The following KRABD3 variants were observed in gnomAD, a reference collection of about 807,000 sequenced individuals.
The protein encoded by KRABD3 is KRAB domain-containing protein 3.
the KRABD3 span, among the ~76,000 whole-genome samples, chr7:149,718,287 C>T: frequency 3.3e-5 from 5 of 152,078 alleles, no homozygotes; most frequent in African/African-American, 7.2e-5. Flanking sequence ...ATGAAACAAG[C>T]GGTGAATTGT....
chr7:149,730,202 C>T, the KRABD3 span: 1 of 1,575,584 alleles, frequency 6.3e-7, no homozygotes, highest in Non-Finnish European at 8.6e-7. Flanking sequence ...TGAGGGGGAT[C>T]TTGCCTGTAA....
At chr7:149,720,506 G>T in the KRABD3 span, among the ~76,000 whole-genome samples, 1 of 152,264 alleles carries the variant, frequency 6.6e-6, no homozygotes, top group Non-Finnish European at 1.5e-5. Flanking sequence ...CATTTAGGGG[G>T]TGCCAGGAAA....
chr7:149,721,345 C>T, the KRABD3 span: 2 of 1,554,840 alleles, frequency 1.3e-6, no homozygotes, highest in Non-Finnish European at 1.7e-6. Flanking sequence ...TTAGGGGCAT[C>T]TTACCAGTTG....
At chr7:149,724,953 C>G in the KRABD3 span, 4 of 980,840 alleles carry the variant, frequency 4.1e-6, no homozygotes, top group Non-Finnish European at 5.7e-6. Context: ...AGGGAGCCGC[C>G]CCCTGGCCTT....
the KRABD3 span, chr7:149,730,555 C>T: frequency 2.3e-5 from 37 of 1,611,690 alleles, no homozygotes; most frequent in Admixed American, 2.3e-4. Context: ...GGTACTGCAG[C>T]GGCCTCGGTG....
chr7:149,719,983 G>T, the KRABD3 span: 1 of 1,534,832 alleles, frequency 6.5e-7, no homozygotes, highest in Middle Eastern at 2.2e-4. This position sits in a 1 kb window ranked among gnomAD's most constrained non-coding sequence, Gnocchi z 5.6. Flanking sequence ...CATTCCCAGG[G>T]CCACAGTTCC....
the KRABD3 span, chr7:149,733,403 C>T: frequency 1.9e-6 from 3 of 1,606,950 alleles, no homozygotes; most frequent in Non-Finnish European, 2.5e-6. Flanking sequence ...GCTGGATCGG[C>T]TCGCCACAGC....
At chr7:149,722,630 G>T in the KRABD3 span, 1 of 1,506,146 alleles carries the variant, frequency 6.6e-7, no homozygotes. Context: ...ATGCTGCTCC[G>T]CCGCCTGGGC....
At chr7:149,732,132 T>C in the KRABD3 span, among the ~76,000 whole-genome samples, 1,004 of 152,264 alleles carry the variant, frequency 6.6e-3, 2 homozygotes, top group Non-Finnish European at 0.011. The surrounding 1 kb of genome is among the most constrained non-coding windows in gnomAD (Gnocchi z 4.0). Flanking sequence ...GGTGGAGACA[T>C]GCAGGGGGCC....
the KRABD3 span, among the ~76,000 whole-genome samples, chr7:149,715,877 A>G: frequency 1.3e-5 from 2 of 152,350 alleles, no homozygotes; most frequent in East Asian, 3.9e-4. Context: ...TAAGTAGCCT[A>G]GGGACACCCT....
chr7:149,721,435 C>T, the KRABD3 span: 13 of 1,612,164 alleles, frequency 8.1e-6, no homozygotes, highest in Admixed American at 5.0e-5. Context: ...GCCTTCCAGA[C>T]GGCCCTACCA....
chr7:149,732,134 CA>C, the KRABD3 span, among the ~76,000 whole-genome samples: 7 of 152,184 alleles, frequency 4.6e-5, no homozygotes, highest in Non-Finnish European at 8.8e-5. The surrounding 1 kb of genome is among the most constrained non-coding windows in gnomAD (Gnocchi z 4.0). Flanking sequence ...TGGAGACATG[CA>C]GGGGGCCTGG....
the KRABD3 span, chr7:149,723,982 C>T: frequency 3.6e-6 from 5 of 1,380,780 alleles, no homozygotes; most frequent in Non-Finnish European, 5.0e-6. Context: ...CACAAACACT[C>T]AGGCCCCCAT....
the KRABD3 span, chr7:149,724,644 T>A: frequency 6.0e-6 from 9 of 1,511,814 alleles, no homozygotes; most frequent in African/African-American, 1.2e-4. Context: ...AATGGCCTCC[T>A]CCCGCAGGGC....
At chr7:149,733,785 C>T in the KRABD3 span, 32 of 1,600,294 alleles carry the variant, frequency 2.0e-5, no homozygotes, top group Admixed American at 2.7e-4. Flanking sequence ...TGCCATGCTG[C>T]GCCGCCTGCA....
the KRABD3 span, chr7:149,728,467 A>G: frequency 1.3e-6 from 2 of 1,585,126 alleles, no homozygotes; most frequent in Admixed American, 3.4e-5. Flanking sequence ...GGGCTTCTGC[A>G]GTTTGCAGAG....
At chr7:149,722,919 C>T in the KRABD3 span, 1 of 1,611,054 alleles carries the variant, frequency 6.2e-7, no homozygotes, top group South Asian at 1.1e-5. Context: ...CCAGGCTAAC[C>T]AGAGCAGACC....
At chr7:149,733,339 TG>T in the KRABD3 span, 1 of 1,612,364 alleles carries the variant, frequency 6.2e-7, no homozygotes, top group Non-Finnish European at 8.5e-7. Context: ...CATGCCACTG[TG>T]GGAAGCCCCT....
At chr7:149,731,967 A>T in the KRABD3 span, among the ~76,000 whole-genome samples, 2 of 152,224 alleles carry the variant, frequency 1.3e-5, no homozygotes, top group Non-Finnish European at 2.9e-5. Context: ...AAGCAGACAC[A>T]CCTTTTAGAG....
Sources: gnomAD v4.1 joint callset for allele counts (sites outside exome capture counted in the v4.1 genomes callset) on GRCh38, gnomAD v4.1.1 for gene constraint, Gnocchi (gnomAD v3.1) non-coding constraint, MANE v1.5 for transcripts, NCBI Gene and HGNC (gene_info 2026-07-23, HGNC 2026-07-21) for gene names.